Variants in NLGN4X observed in about 807,000 individuals in gnomAD.
The protein encoded by NLGN4X is neuroligin-4, X-linked.
Under a neutral mutation model 40.3 loss-of-function variants are expected in NLGN4X, and 3 were observed. The observed-to-expected ratio is 0.07, with a 90% confidence interval of 0.03 to 0.19. The LOEUF is 0.19. NLGN4X is among the 10% of genes least tolerant of loss of function. The pLI is 1.00. For synonymous variants in NLGN4X, 270 were observed against 306.8 expected (o/e 0.88, Z 1.25); for missense variants, 382 against 708.3 (o/e 0.54, Z 5.23).
intron 1 of NLGN4X, among the ~76,000 whole-genome samples, chrX:6,158,862 A>G (rs886802577): frequency 7.1e-5 from 8 of 112,153 alleles, no homozygotes; most frequent in African/African-American, 2.6e-4. Context: ...TGTTCTCATC[A>G]TTCAGCTCCC....
At chrX:6,227,247 G>A (rs1926455512) in intron 1 of NLGN4X, 1 of 109,978 alleles carries the variant, frequency 9.1e-6, no homozygotes, top group African/African-American at 3.3e-5. Context: ...TGTAGAGGTG[G>A]TGCGCCTATT....
At chrX:5,939,933 T>C (rs977566946) in intron 3 of NLGN4X, among the ~76,000 whole-genome samples, 1 of 111,341 alleles carries the variant, frequency 9.0e-6, no homozygotes, top group Non-Finnish European at 1.9e-5. Context: ...CCTAAATGTC[T>C]TGCCAAGGTA....
In NLGN4X at chrX:6,162,965, G is replaced by A. The variant is rs868317239; in HGVS notation, c.-305-11194C>T. Among the ~76,000 whole-genome samples, 4 of 111,734 alleles carry A rather than the reference G, an allele frequency of 3.6e-5. No individual in the cohort carries two copies. In the South Asian group the frequency reaches 1.5e-3, roughly 42 times the overall value. ...CCACGTATAGGGAGAGGGACCCTGTGGGAGATAACTGAATCAAGAGGGCAG... is the reference window on the plus strand; with the variant it reads ...CCACGTATAGGGAGAGGGACCCTGTAGGAGATAACTGAATCAAGAGGGCAG... On this transcript the variant is annotated intron_variant, in intron 1 of 5. Transcript: ENST00000381095.
intron 1 of NLGN4X, among the ~76,000 whole-genome samples, chrX:6,171,515 G>A (rs183359214): frequency 5.6e-4 from 63 of 111,743 alleles, no homozygotes; most frequent in African/African-American, 1.7e-3. Context: ...CATTTATTCC[G>A]CTGTTTGAAG....
At chrX:6,140,656 T>C (rs1024841831) in intron 2 of NLGN4X, among the ~76,000 whole-genome samples, 4 of 110,705 alleles carry the variant, frequency 3.6e-5, no homozygotes, top group African/African-American at 6.6e-5. Context: ...CAGCTCACCA[T>C]AGCCTTGATC....
intron 3 of NLGN4X, among the ~76,000 whole-genome samples, chrX:6,009,234 A>G (rs1229619375): frequency 8.9e-6 from 1 of 111,925 alleles, no homozygotes; most frequent in African/African-American, 3.2e-5. Flanking sequence ...CCTGCTTTCA[A>G]TTCTTTTGAG....
At chrX:6,009,437 G>A (rs1162887360) in intron 3 of NLGN4X, among the ~76,000 whole-genome samples, 3 of 111,711 alleles carry the variant, frequency 2.7e-5, no homozygotes, top group Non-Finnish European at 5.6e-5. Flanking sequence ...CTTATTTTAC[G>A]TTTACTTTAT....
chrX:6,077,679 A>T (rs759278749), intron 2 of NLGN4X, among the ~76,000 whole-genome samples: 1 of 111,304 alleles, frequency 9.0e-6, no homozygotes, highest in South Asian at 3.9e-4. Context: ...ATTAAATAAG[A>T]GTTACTTTCT....
chrX:6,161,885 T>C (rs1471169347), intron 1 of NLGN4X, among the ~76,000 whole-genome samples: 1 of 111,724 alleles, frequency 9.0e-6, no homozygotes, highest in Non-Finnish European at 1.9e-5. Context: ...ACTTATTTTA[T>C]CCATGTCATT....
chrX:6,157,121 TA>T (rs397943012), intron 1 of NLGN4X, among the ~76,000 whole-genome samples: 13 of 101,071 alleles, frequency 1.3e-4, no homozygotes, highest in Admixed American at 2.2e-4. Flanking sequence ...CCCCATCTCT[TA>T]AAAAAAAAAA....
chrX:6,119,920 C>CA (rs772208672), intron 2 of NLGN4X, among the ~76,000 whole-genome samples: 210 of 111,052 alleles, frequency 1.9e-3, no homozygotes, highest in Non-Finnish European at 3.3e-3. Flanking sequence ...ACTAACACTC[C>CA]AAAAAATAGC....
chrX:6,027,204 T>C (rs1283859763), intron 3 of NLGN4X, among the ~76,000 whole-genome samples: 1 of 112,067 alleles, frequency 8.9e-6, no homozygotes, highest in Non-Finnish European at 1.9e-5. Flanking sequence ...TCCTTCCACC[T>C]CTTTGTCAGA....
At chrX:6,183,102 T>C (rs1921639679) in intron 1 of NLGN4X, among the ~76,000 whole-genome samples, 1 of 111,621 alleles carries the variant, frequency 9.0e-6, no homozygotes, top group African/African-American at 3.3e-5. Context: ...CAGAAAGAAA[T>C]CAATTGAAAC....
chrX:5,924,298 T>C (rs2033187394), intron 3 of NLGN4X, among the ~76,000 whole-genome samples: 1 of 110,820 alleles, frequency 9.0e-6, no homozygotes, highest in East Asian at 2.8e-4. Flanking sequence ...GTTCAACATA[T>C]TGTGTTTTAC....
At chrX:6,158,918 TA>T (rs2040328501) in intron 1 of NLGN4X, among the ~76,000 whole-genome samples, 1 of 112,257 alleles carries the variant, frequency 8.9e-6, no homozygotes, top group Non-Finnish European at 1.9e-5. Flanking sequence ...GTTCCTGCGT[TA>T]GTTTGCTGAG....
At chrX:6,191,485 C>T (rs1026358488) in intron 1 of NLGN4X, among the ~76,000 whole-genome samples, 1 of 111,726 alleles carries the variant, frequency 9.0e-6, no homozygotes, top group Non-Finnish European at 1.9e-5. Flanking sequence ...GAGGCCAAAG[C>T]GGATGGATCA....
At position 6,013,763 on chromosome X, in the gene NLGN4X, T is replaced by C. The variant is rs140553091; in HGVS notation, c.625+15517A>G. Among the ~76,000 whole-genome samples the C allele has an allele frequency of 1.1e-3, 125 of 109,533 alleles. 1 individual carries two copies. The East Asian group carries it at 0.028, about 25-fold the overall frequency. Reference sequence around the variant, plus strand: ...GTCCCAGCTTCTCAGGAGGGTGAGATAGGAGGATCAATTGACCCAAGAGGC... The same window carrying C: ...GTCCCAGCTTCTCAGGAGGGTGAGACAGGAGGATCAATTGACCCAAGAGGC... On this transcript the variant is annotated intron_variant, in intron 3 of 5. Transcript: ENST00000381095.
intron 2 of NLGN4X, among the ~76,000 whole-genome samples, chrX:6,136,070 C>T (rs1000093093): frequency 1.2e-4 from 13 of 111,520 alleles, no homozygotes; most frequent in Non-Finnish European, 2.3e-4. Context: ...AAATCCATGT[C>T]TTTTTTTAGA....
chrX:6,045,461 A>G (rs1187668416), intron 2 of NLGN4X, among the ~76,000 whole-genome samples: 12 of 111,739 alleles, frequency 1.1e-4, no homozygotes, highest in Admixed American at 9.6e-4. Flanking sequence ...AAATAGCGTA[A>G]AATATTAAAT....
Sources: allele counts gnomAD v4.1 joint callset (sites outside exome capture counted in the v4.1 genomes callset), GRCh38; gene constraint gnomAD v4.1.1; transcripts MANE v1.5; gene names NCBI Gene and HGNC (gene_info 2026-07-23, HGNC 2026-07-21).